IQCM: variants seen among roughly 807,000 people sequenced by gnomAD.
IQCM encodes the protein IQ motif containing M, also known as IQ domain-containing protein M.
A neutral mutation model predicts 57.6 loss-of-function variants in IQCM; 45 were observed. The ratio of observed to expected loss-of-function variants is 0.78; its 90% CI spans 0.62 to 1.00. The LOEUF is 1.00. Among genes scored for constraint, IQCM ranks in the 50% least tolerant of loss-of-function variants. The pLI, the probability that IQCM is intolerant of heterozygous loss-of-function variation, is 0.00. For missense variants in IQCM, 468 were observed against 511.6 expected, an observed-to-expected ratio of 0.91 and a Z score of 0.82; for synonymous variants, 148 against 158.9, an observed-to-expected ratio of 0.93 and a Z score of 0.51.
At chr4:149,784,864 A>G (rs1193105640) in intron 2 of IQCM, among the ~76,000 whole-genome samples, 1 of 152,198 alleles carries the variant, frequency 6.6e-6, no homozygotes, top group Admixed American at 6.5e-5. Context: ...AACCGTAAGG[A>G]GGTACAGACT....
chr4:149,400,593 AAT>A (rs1372083776), intron 13 of IQCM, among the ~76,000 whole-genome samples: 1 of 152,048 alleles, frequency 6.6e-6, no homozygotes, highest in Non-Finnish European at 1.5e-5. Context: ...TGTAGTTGAG[AAT>A]ATGAGAGAAT....
At chr4:149,702,300 T>TCA (rs3085128) in intron 5 of IQCM, among the ~76,000 whole-genome samples, 33,940 of 145,762 alleles carry the variant, frequency 0.23, 3,943 homozygotes, top group East Asian at 0.28. Context: ...CTCCCTCACT[T>TCA]CACACACACA....
intron 8 of IQCM, among the ~76,000 whole-genome samples, chr4:149,592,697 C>A (rs1753321361): frequency 6.6e-6 from 1 of 151,910 alleles, no homozygotes; most frequent in East Asian, 1.9e-4. Context: ...TTCCCAGCAC[C>A]ATTTATTAAA....
chr4:149,708,120 A>C (rs1419229542), intron 5 of IQCM, among the ~76,000 whole-genome samples: 3 of 151,934 alleles, frequency 2.0e-5, no homozygotes. Context: ...TTATCTTCAC[A>C]CAGTCAGAAT....
At chr4:149,394,448 A>G (rs1409242684) in intron 13 of IQCM, among the ~76,000 whole-genome samples, 24 of 152,048 alleles carry the variant, frequency 1.6e-4, no homozygotes. Flanking sequence ...TTTAATGCTC[A>G]TTATATTATT....
At chr4:149,518,465 G>T (rs1745225741) in intron 12 of IQCM, among the ~76,000 whole-genome samples, 1 of 152,110 alleles carries the variant, frequency 6.6e-6, no homozygotes, top group East Asian at 1.9e-4. Context: ...CCCCAGAAAG[G>T]AAGTAATATT....
At chr4:149,558,388 C>T (rs1016711827) in intron 10 of IQCM, among the ~76,000 whole-genome samples, 5 of 152,174 alleles carry the variant, frequency 3.3e-5, no homozygotes, top group Non-Finnish European at 7.3e-5. Context: ...GTATCCTTCA[C>T]TCTCTTGAAA....
rs538473772 is a variant in IQCM, at chr4:149,356,346, T to C, written c.1391-4280A>G. Among the ~76,000 whole-genome samples, 522 of 152,304 alleles carry C rather than the reference T, an allele frequency of 3.4e-3. 2 individuals are homozygous for C. Among genetic ancestry groups the C allele is most frequent in the African/African-American group, 0.01 (427 of 41,564 alleles). ...TGCCTATGTCCTGAATGGTATTGCC[T>C]AGGTTTTCTTCTAGGGTTTTTATGG... On this transcript the variant is annotated intron_variant, in intron 13 of 13. Coordinates refer to ENST00000636793, the MANE Select transcript of IQCM (RefSeq NM_001363507.2).
At chr4:149,471,078 CA>C (rs1407226949) in intron 12 of IQCM, among the ~76,000 whole-genome samples, 1 of 152,034 alleles carries the variant, frequency 6.6e-6, no homozygotes, top group African/African-American at 2.4e-5. Context: ...CAAGAGCAAA[CA>C]CATTCAAAAG....
At chr4:149,775,787 G>A (rs757992294) in intron 2 of IQCM, among the ~76,000 whole-genome samples, 2 of 152,148 alleles carry the variant, frequency 1.3e-5, no homozygotes, top group Non-Finnish European at 2.9e-5. Flanking sequence ...TCTATAGCAG[G>A]TTTAAATAGC....
At chr4:149,366,126 T>C (rs376436394) in intron 13 of IQCM, among the ~76,000 whole-genome samples, 1 of 151,992 alleles carries the variant, frequency 6.6e-6, no homozygotes, top group Non-Finnish European at 1.5e-5. Context: ...TAAAAAGTGG[T>C]ACCAACTTTT....
At chr4:149,746,245 G>C (rs1353713816) in intron 2 of IQCM, among the ~76,000 whole-genome samples, 1 of 152,038 alleles carries the variant, frequency 6.6e-6, no homozygotes, top group African/African-American at 2.4e-5. Flanking sequence ...CTCTGTCTTA[G>C]AAATTGTACC....
At chr4:149,543,156 TTTA>T (rs1239675816) in intron 12 of IQCM, among the ~76,000 whole-genome samples, 3 of 152,142 alleles carry the variant, frequency 2.0e-5, no homozygotes, top group South Asian at 2.1e-4. Context: ...ATTTTTTAAT[TTTA>T]TTATTATAAG....
At chr4:149,512,153 A>T (rs1459231274) in intron 12 of IQCM, among the ~76,000 whole-genome samples, 1 of 152,202 alleles carries the variant, frequency 6.6e-6, no homozygotes, top group Non-Finnish European at 1.5e-5. Context: ...TCAACCCCTT[A>T]GGCTCCAGAG....
chr4:149,728,924 T>G (rs940061276), intron 5 of IQCM, among the ~76,000 whole-genome samples: 1 of 152,202 alleles, frequency 6.6e-6, no homozygotes, highest in Non-Finnish European at 1.5e-5. Flanking sequence ...AGTTCAGATG[T>G]GGCTCCTTAC....
intron 12 of IQCM, among the ~76,000 whole-genome samples, chr4:149,532,162 A>T (rs1309597288): frequency 6.6e-6 from 1 of 152,138 alleles, no homozygotes; most frequent in Non-Finnish European, 1.5e-5. Context: ...GTTCCTGTAT[A>T]GATACAGTCT....
intron 13 of IQCM, among the ~76,000 whole-genome samples, chr4:149,380,739 A>G (rs1731020964): frequency 6.6e-6 from 1 of 152,124 alleles, no homozygotes. Context: ...AAGAGTGCTA[A>G]GACATCCCAC....
intron 7 of IQCM, among the ~76,000 whole-genome samples, chr4:149,649,170 C>T (rs1758929286): frequency 2.0e-5 from 3 of 151,872 alleles, no homozygotes; most frequent in Admixed American, 2.0e-4. Flanking sequence ...AAGAATCCTC[C>T]CACCCCACCT....
intron 5 of IQCM, among the ~76,000 whole-genome samples, chr4:149,705,135 T>C (rs1764059448): frequency 6.8e-6 from 1 of 147,534 alleles, no homozygotes; most frequent in Non-Finnish European, 1.5e-5. Context: ...ATAAATCATA[T>C]ATATCTATAT....
Sources: gnomAD v4.1 joint callset for allele counts (sites outside exome capture counted in the v4.1 genomes callset) on GRCh38, gnomAD v4.1.1 for gene constraint, MANE v1.5 for transcripts, NCBI Gene and HGNC (gene_info 2026-07-23, HGNC 2026-07-21) for gene names.